Variants in RIC1 observed in about 807,000 individuals in gnomAD.
The protein encoded by RIC1 is guanine nucleotide exchange factor subunit RIC1.
In RIC1, 88 loss-of-function variants were observed where a neutral mutation model predicts 169.0. The ratio of observed to expected loss-of-function variants is 0.52; its 90% CI spans 0.44 to 0.62. The LOEUF (loss-of-function observed/expected upper bound fraction) is 0.62. Among genes scored for constraint, RIC1 ranks in the 20% least tolerant of loss-of-function variants. The pLI, the probability that RIC1 is intolerant of heterozygous loss-of-function variation, is 0.00. For missense variants in RIC1, 1,877 were observed against 1,725.5 expected, an observed-to-expected ratio of 1.09 and a Z score of -1.56; for synonymous variants, 790 against 601.5, an observed-to-expected ratio of 1.31 and a Z score of -4.59.
At chr9:5,662,613 A>G (rs935436837) in intron 2 of RIC1, among the ~76,000 whole-genome samples, 3 of 152,088 alleles carry the variant, frequency 2.0e-5, no homozygotes, top group Non-Finnish European at 4.4e-5. Flanking sequence ...TAGATTTTCT[A>G]TTTAATGTGC....
At position 5,754,890 on chromosome 9, in the gene RIC1, T is replaced by C. The variant is rs769863646; in HGVS notation, c.1652T>C (p.Met551Thr). 1.3e-6 allele frequency: 2 copies of C among 1,581,384 alleles called. No individual in the cohort carries two copies. Among genetic ancestry groups the C allele is most frequent in the Non-Finnish European group, 1.7e-6 (2 of 1,158,972 alleles). ...TGGLAWWNDF[M>T]VLACYNINDR... Reference sequence around the variant, plus strand: ...GGCTTAGCCTGGTGGAATGATTTTATGGTCCTTGCGTGTTATAACATAAAT... The same window carrying C: ...GGCTTAGCCTGGTGGAATGATTTTACGGTCCTTGCGTGTTATAACATAAAT... Residue 551 changes from methionine to threonine, a missense_variant, in exon 15 of 26, where the codon ATG becomes ACG. By Grantham distance (81) the Met-to-Thr change is moderately conservative. Transcript: ENST00000414202.
chr9:5,733,358 G>T (rs1824490083), intron 7 of RIC1, among the ~76,000 whole-genome samples: 1 of 151,370 alleles, frequency 6.6e-6, no homozygotes, highest in African/African-American at 2.4e-5. Context: ...CCGTCTCCTG[G>T]GTTCACGCCA....
intron 2 of RIC1, among the ~76,000 whole-genome samples, chr9:5,674,421 T>G (rs759395700): frequency 2.6e-5 from 4 of 152,160 alleles, no homozygotes; most frequent in Non-Finnish European, 5.9e-5. Context: ...TAAGCCAGAT[T>G]ACTATGACTA....
chr9:5,770,266 T>G lies in RIC1; in HGVS notation c.3604T>G (p.Leu1202Val), dbSNP rs1468447329. 1 of 1,613,026 alleles carries G rather than the reference T, an allele frequency of 6.2e-7. No individual in the cohort carries two copies. Among genetic ancestry groups the G allele is most frequent in the Admixed American group, 1.7e-5 (1 of 59,890 alleles). The change falls in exon 23 of 26, where the codon TTA becomes GTA. Residue 1202 changes from leucine to valine, a missense_variant. Coordinates refer to ENST00000414202, the MANE Select transcript of RIC1 (RefSeq NM_020829.4). ...AATGCAAGATGCCTTCTTGTCACCT[T>G]TATCTAATAAAGGTAAATGTAATTT... is the stretch of plus-strand genomic sequence containing the variant. The part of the protein sequence containing the change: ...PQMQDAFLSP[L>V]SNKGDECSIG...
intron 21 of RIC1, among the ~76,000 whole-genome samples, chr9:5,767,496 C>A (rs1027563421): frequency 1.3e-5 from 2 of 150,364 alleles, no homozygotes; most frequent in Non-Finnish European, 3.0e-5. Flanking sequence ...TTTTTTTCCC[C>A]AGGACAACAT....
intron 6 of RIC1, among the ~76,000 whole-genome samples, chr9:5,729,376 C>G (rs994041708): frequency 6.6e-6 from 1 of 152,124 alleles, no homozygotes; most frequent in African/African-American, 2.4e-5. Context: ...ACCACTTCTA[C>G]TACATTTAAT....
At position 5,642,223 on chromosome 9, in the gene RIC1, T is replaced by G. The variant is rs780682445; in HGVS notation, c.144+12770T>G. 2.7e-4 allele frequency among the ~76,000 whole-genome samples: 39 copies of G among 145,194 alleles called. 4 individuals carry two copies. Among genetic ancestry groups the G allele is most frequent in the Admixed American group, 8.7e-4 (13 of 14,948 alleles). ...AGAGACTCTTGTTCTTTTCTGTTAC[T>G]TTCTTCCAAACAAATGGAGTCTCTC... On this transcript the variant is annotated intron_variant, in intron 1 of 25. Transcript: ENST00000414202.
intron 12 of RIC1, among the ~76,000 whole-genome samples, chr9:5,751,833 TTTTAC>T (rs1392955856): frequency 6.6e-5 from 10 of 152,376 alleles, no homozygotes; most frequent in Admixed American, 4.6e-4. Context: ...AGCATATTGC[TTTTAC>T]TTAATTTTCT....
chr9:5,740,253 TAAACAGTTCACGTC>T (rs1824996868), intron 8 of RIC1, among the ~76,000 whole-genome samples: 3 of 152,156 alleles, frequency 2.0e-5, no homozygotes, highest in African/African-American at 7.2e-5. Flanking sequence ...TAACTCTATA[TAAACAGTTCACGTC>T]AAGGACTGTC....
At chr9:5,657,912 A>T (rs1819197288) in intron 2 of RIC1, among the ~76,000 whole-genome samples, 1 of 152,076 alleles carries the variant, frequency 6.6e-6, no homozygotes, top group South Asian at 2.1e-4. Flanking sequence ...CATAACTAAA[A>T]TTTTACTGGG....
intron 2 of RIC1, among the ~76,000 whole-genome samples, chr9:5,657,390 A>G (rs764979575): frequency 5.9e-5 from 9 of 152,116 alleles, no homozygotes; most frequent in Non-Finnish European, 7.4e-5. Context: ...GTGGTTAATT[A>G]ACATTATTGA....
At chr9:5,665,618 G>GT (rs945920465) in intron 2 of RIC1, among the ~76,000 whole-genome samples, 48 of 152,192 alleles carry the variant, frequency 3.2e-4, no homozygotes, top group African/African-American at 1.1e-3. Flanking sequence ...TTTGAATGGG[G>GT]TTTTTTGTAG....
At chr9:5,722,788 A>G (rs145120129) in intron 6 of RIC1, among the ~76,000 whole-genome samples, 4,756 of 151,928 alleles carry the variant, frequency 0.031, 239 homozygotes, top group African/African-American at 0.11. Flanking sequence ...ATTCCCACCT[A>G]TGAATCAGAA....
chr9:5,730,336 G>A (rs969405816), intron 6 of RIC1, among the ~76,000 whole-genome samples: 3 of 152,158 alleles, frequency 2.0e-5, no homozygotes, highest in Non-Finnish European at 4.4e-5. Context: ...ACTAAGGGAG[G>A]CCAGCAATCC....
chr9:5,738,420 A>C (rs1209081802), intron 7 of RIC1, 30 bp from the exon 8 acceptor site: 1 of 1,465,974 alleles, frequency 6.8e-7, no homozygotes, highest in African/African-American at 1.4e-5. Context: ...GTCTTTTTTC[A>C]CTAAAAGTTT....
chr9:5,669,178 TA>T (rs1819951147), intron 2 of RIC1, among the ~76,000 whole-genome samples: 1 of 152,222 alleles, frequency 6.6e-6, no homozygotes, highest in South Asian at 2.1e-4. Context: ...GCCAGTCATG[TA>T]AGATTTCCTT....
intron 2 of RIC1, among the ~76,000 whole-genome samples, chr9:5,684,477 A>G (rs1228176132): frequency 1.3e-5 from 2 of 151,894 alleles, no homozygotes; most frequent in African/African-American, 4.8e-5. Context: ...CAAGTATTTC[A>G]TCTCTTTTGC....
chr9:5,635,412 T>A (rs1817924746), intron 1 of RIC1, among the ~76,000 whole-genome samples: 1 of 152,234 alleles, frequency 6.6e-6, no homozygotes, highest in Non-Finnish European at 1.5e-5. Context: ...CCAGTTTTTC[T>A]AACACTATGG....
In RIC1 at chr9:5,757,432, C is replaced by A; in HGVS notation, c.1973C>A (p.Thr658Asn). ...LTSVSTENGI[T>N]LKMPQQARGA... ...TCAGTGAGTACAGAGAATGGAATCA[C>A]CTTGAAAATGCCACAGCAGGTACCA... The change falls in exon 17 of 26, where the codon ACC (threonine) becomes AAC (asparagine). Residue 658 changes from threonine to asparagine, a missense_variant. Physicochemically the swap from Thr to Asn is moderately conservative, Grantham distance 65 (BLOSUM62 0). Coordinates refer to ENST00000414202, the MANE Select transcript of RIC1 (RefSeq NM_020829.4). 1 of 1,614,016 alleles carries A rather than the reference C, an allele frequency of 6.2e-7. No individual in the cohort carries two copies.
Sources: gnomAD v4.1 joint callset for allele counts (sites outside exome capture counted in the v4.1 genomes callset) on GRCh38, gnomAD v4.1.1 for gene constraint, MANE v1.5 for transcripts, NCBI Gene and HGNC (gene_info 2026-07-23, HGNC 2026-07-21) for gene names.